Variants in MACROD1 observed in about 807,000 individuals in gnomAD.
MACROD1 encodes the protein ADP-ribose glycohydrolase MACROD1.
MACROD1 carries 31 observed loss-of-function variants against 41.4 expected under a neutral mutation model. The ratio of observed to expected loss-of-function variants is 0.75; its 90% CI spans 0.56 to 1.01. The LOEUF (loss-of-function observed/expected upper bound fraction) is 1.01. MACROD1 is among the 50% of genes least tolerant of loss of function. MACROD1 has a pLI of 0.00. For synonymous variants in MACROD1, 252 were observed against 203.4 expected, an observed-to-expected ratio of 1.24 and a Z score of -2.03; for missense variants, 473 against 460.0, an observed-to-expected ratio of 1.03 and a Z score of -0.26.
chr11:64,016,916 C>T (rs1000356336), intron 3 of MACROD1, among the ~76,000 whole-genome samples: 1 of 152,030 alleles, frequency 6.6e-6, no homozygotes, highest in Admixed American at 6.5e-5. Context: ...GAGGGGCGGG[C>T]CCCCCAGTGA....
intron 3 of MACROD1, among the ~76,000 whole-genome samples, chr11:64,043,151 G>A (rs1418264556): frequency 6.6e-6 from 1 of 152,154 alleles, no homozygotes; most frequent in Non-Finnish European, 1.5e-5. Context: ...CATACGTGCT[G>A]ACATCCCAGG....
At chr11:64,010,504 TGTTG>T (rs748836779) in intron 4 of MACROD1, among the ~76,000 whole-genome samples, 25 of 146,194 alleles carry the variant, frequency 1.7e-4, no homozygotes, top group South Asian at 4.4e-4. Flanking sequence ...TTGGTTGGGG[TGTTG>T]GTTGGTGTGT....
Position 64,064,842 on chromosome 11 carries a change from CCTCA to C in MACROD1, c.518-49565_518-49562del, listed in dbSNP as rs1943967435. Among the ~76,000 whole-genome samples the C allele has an allele frequency of 8.8e-6, 1 of 114,282 alleles. No homozygotes were observed. The highest frequency in any genetic ancestry group is 4.6e-5 in the African/African-American group (1 of 21,734). The allele number at this position is 114,282 out of a possible 152,430, so 75.0% of individuals were successfully genotyped here. A position where few individuals can be genotyped will look rare whatever the true frequency, so the allele number is the denominator to read the frequency against. ...CCAAGAGGCTAGAGTTTCACAAGGA[CCTCA>C]TTCATTCATTCATTCATTCATTCAT... is the stretch of plus-strand genomic sequence containing the variant. On this transcript the variant is annotated intron_variant, in intron 3 of 10. Coordinates refer to ENST00000255681, the MANE Select transcript of MACROD1 (RefSeq NM_014067.4). This position sits in a 1 kb window ranked among gnomAD's most constrained non-coding sequence, Gnocchi z 4.5.
chr11:64,030,642 A>G (rs957887642), intron 3 of MACROD1, among the ~76,000 whole-genome samples: 2 of 152,220 alleles, frequency 1.3e-5, no homozygotes, highest in African/African-American at 4.8e-5. Context: ...AGATGTGGAC[A>G]TGTTGGCCGG....
intron 3 of MACROD1, among the ~76,000 whole-genome samples, chr11:64,061,438 C>T (rs1445690201): frequency 6.6e-6 from 1 of 152,228 alleles, no homozygotes; most frequent in Admixed American, 6.5e-5. Flanking sequence ...GGGGTGCCTC[C>T]TGCGCCCAAC....
chr11:64,051,079 A>ACT (rs1704809833), intron 3 of MACROD1, among the ~76,000 whole-genome samples: 1 of 152,172 alleles, frequency 6.6e-6, no homozygotes, highest in African/African-American at 2.4e-5. Flanking sequence ...ACCGATCTGG[A>ACT]GGAGAGATTC....
At position 64,064,795 on chromosome 11, in the gene MACROD1, C is replaced by T. The variant is rs912336601; in HGVS notation, c.518-49514G>A. 2.6e-5 allele frequency among the ~76,000 whole-genome samples: 4 copies of T among 151,988 alleles called. No individual in the cohort carries two copies. The highest frequency in any genetic ancestry group is 6.6e-5 in the Admixed American group (1 of 15,234). ...AGGCTGACAGAACAGAGGCTGCCAA[C>T]TAAAACCTGGGCACCCGGTGGCCAA... On this transcript the variant is annotated intron_variant, in intron 3 of 10. Transcript: ENST00000255681. The surrounding 1 kb of genome is among the most constrained non-coding windows in gnomAD (Gnocchi z 4.5).
rs1266199769 is a variant in MACROD1, at chr11:64,024,053, C to G, written c.518-8772G>C. Among the ~76,000 whole-genome samples, 3 of 152,170 alleles carry G rather than the reference C, an allele frequency of 2.0e-5. No individual in the cohort carries two copies. The East Asian group carries it at 5.8e-4, about 29-fold the overall frequency. ...AACATGGAGGTCCCCCTCAACACCC[C>G]CTCTCCAAGCCCTGTCCCCAGGCAC... is the stretch of plus-strand genomic sequence containing the variant. On this transcript the variant is annotated intron_variant, in intron 3 of 10. Coordinates refer to ENST00000255681, the MANE Select transcript of MACROD1 (RefSeq NM_014067.4).
At position 64,122,183 on chromosome 11, in the gene MACROD1, T is replaced by C. The variant is rs1269793630; in HGVS notation, c.517+29056A>G. Among the ~76,000 whole-genome samples, 1 of 152,226 alleles carries C rather than the reference T, an allele frequency of 6.6e-6. No individual in the cohort carries two copies. Among genetic ancestry groups the C allele is most frequent in the Admixed American group, 6.5e-5 (1 of 15,286 alleles). Reference sequence around the variant, plus strand: ...AGACATGATGTGCATCAAAAGCTCCTTTTCTTCCCTTTTCTCCTTCCCCCT... The same window carrying C: ...AGACATGATGTGCATCAAAAGCTCCCTTTCTTCCCTTTTCTCCTTCCCCCT... On this transcript the variant is annotated intron_variant, in intron 3 of 10. Transcript: ENST00000255681. The surrounding 1 kb of genome is among the most constrained non-coding windows in gnomAD (Gnocchi z 4.0).
chr11:64,012,911 C>T (rs534461920), intron 4 of MACROD1, among the ~76,000 whole-genome samples: 1 of 152,306 alleles, frequency 6.6e-6, no homozygotes, highest in South Asian at 2.1e-4. Flanking sequence ...TCATGGCTCA[C>T]TGCAGCCTTA....
At chr11:64,141,661 C>T (rs1331471488) in intron 3 of MACROD1, among the ~76,000 whole-genome samples, 6 of 152,182 alleles carry the variant, frequency 3.9e-5, no homozygotes, top group Admixed American at 2.6e-4. Flanking sequence ...CCGGCCTCCT[C>T]GGCTCAGTGC....
intron 3 of MACROD1, among the ~76,000 whole-genome samples, chr11:64,139,538 G>A (rs1945380059): frequency 2.0e-5 from 3 of 152,334 alleles, no homozygotes; most frequent in Middle Eastern, 3.4e-3. Context: ...TCCTGTGGGT[G>A]GTGAAGTGAG....
intron 8 of MACROD1, 80 bp from the exon 9 acceptor site, chr11:63,999,116 C>T: frequency 7.1e-7 from 1 of 1,415,250 alleles, no homozygotes. Flanking sequence ...CTGGTGCAGG[C>T]TTTCACCTGC....
chr11:64,049,344 G>C (rs375325068), intron 3 of MACROD1, among the ~76,000 whole-genome samples: 149 of 152,324 alleles, frequency 9.8e-4, no homozygotes, highest in Admixed American at 2.5e-3. Context: ...ATGCCCAAAG[G>C]CTGTGCTGTT....
intron 4 of MACROD1, 70 bp downstream of exon 4, chr11:64,015,182 G>T: frequency 6.8e-7 from 1 of 1,468,818 alleles, no homozygotes; most frequent in Non-Finnish European, 9.1e-7. Flanking sequence ...AGGGCGAGGG[G>T]CAGGGGAGGA....
intron 3 of MACROD1, among the ~76,000 whole-genome samples, chr11:64,024,412 G>A (rs752205003): frequency 6.6e-6 from 1 of 152,164 alleles, no homozygotes; most frequent in Non-Finnish European, 1.5e-5. Flanking sequence ...ATAGAGGTTC[G>A]CAGAGGCTGA....
At chr11:64,093,079 C>T (rs1208701557) in intron 3 of MACROD1, among the ~76,000 whole-genome samples, 6 of 152,148 alleles carry the variant, frequency 3.9e-5, no homozygotes, top group African/African-American at 1.4e-4. Flanking sequence ...GGCTCTGGAG[C>T]AGACCCCCTG....
At chr11:64,069,171 G>A (rs532885362) in intron 3 of MACROD1, among the ~76,000 whole-genome samples, 3 of 152,230 alleles carry the variant, frequency 2.0e-5, no homozygotes, top group Non-Finnish European at 4.4e-5. Flanking sequence ...CGAGGGAGAG[G>A]TGCGGGGAGC....
chr11:64,132,417 TG>T (rs1379842867), intron 3 of MACROD1, among the ~76,000 whole-genome samples: 1 of 93,144 alleles, frequency 1.1e-5, no homozygotes, highest in Non-Finnish European at 2.1e-5. Context: ...CCCTGGCGGA[TG>T]GATTGGTCAC....
Sources: allele counts gnomAD v4.1 joint callset (sites outside exome capture counted in the v4.1 genomes callset), GRCh38; gene constraint gnomAD v4.1.1; non-coding constraint Gnocchi (gnomAD v3.1); transcripts MANE v1.5; gene names NCBI Gene and HGNC (gene_info 2026-07-23, HGNC 2026-07-21).